SYNE2: variants seen among roughly 807,000 people sequenced by gnomAD.
SYNE2 encodes spectrin repeat containing nuclear envelope protein 2, also known as nesprin-2.
A neutral mutation model predicts 856.3 loss-of-function variants in SYNE2; 431 were observed. The observed-to-expected ratio is 0.50, with a 90% CI of 0.47 to 0.55. The LOEUF is 0.55. SYNE2 is among the 20% of genes least tolerant of loss of function. SYNE2 has a pLI of 0.00. For synonymous variants in SYNE2, 2,923 were observed against 2,872.3 expected, an observed-to-expected ratio of 1.02 and a Z score of -0.56; for missense variants, 8,129 against 8,023.2, an observed-to-expected ratio of 1.01 and a Z score of -0.50.
chr14:64,148,578 A>G (rs915241509), intron 84 of SYNE2, among the ~76,000 whole-genome samples: 6 of 152,078 alleles, frequency 3.9e-5, no homozygotes, highest in Non-Finnish European at 5.9e-5. Context: ...TCAGAACTCA[A>G]TCAAAGCACC....
At chr14:64,208,345 C>G (rs575621060) in intron 100 of SYNE2, among the ~76,000 whole-genome samples, 2 of 152,316 alleles carry the variant, frequency 1.3e-5, no homozygotes, top group African/African-American at 4.8e-5. Flanking sequence ...GCTGAAGAGA[C>G]TCAGTTTCTA....
At chr14:63,924,859 T>TTTTTTTTTTTTC (rs2095644776) in intron 2 of SYNE2, among the ~76,000 whole-genome samples, 1 of 142,486 alleles carries the variant, frequency 7.0e-6, no homozygotes, top group African/African-American at 2.6e-5. Context: ...TTTTTTTTTT[T>TTTTTTTTTTTTC]TTTTGCCTTA....
chr14:63,795,575 C>T (rs1272228425), intron 1 of SYNE2, among the ~76,000 whole-genome samples: 2 of 152,070 alleles, frequency 1.3e-5, no homozygotes, highest in Non-Finnish European at 2.9e-5. Flanking sequence ...AGAACTAATA[C>T]AGATGGGGGT....
intron 1 of SYNE2, among the ~76,000 whole-genome samples, chr14:63,778,850 G>A (rs1330042303): frequency 2.0e-5 from 3 of 151,864 alleles, no homozygotes; most frequent in African/African-American, 7.3e-5. Context: ...CTCACTATGT[G>A]GCCCAGGCTG....
At chr14:64,037,403 CCCTG>C (rs2097100127) in intron 45 of SYNE2, among the ~76,000 whole-genome samples, 1 of 151,666 alleles carries the variant, frequency 6.6e-6, no homozygotes, top group East Asian at 1.9e-4. Flanking sequence ...ATCCATTTAA[CCCTG>C]AGTGGACACA....
intron 76 of SYNE2, 144 bp from the exon 77 acceptor site, chr14:64,132,121 C>A: frequency 1.1e-6 from 1 of 899,518 alleles, no homozygotes; most frequent in South Asian, 1.6e-5. Context: ...GCCATCTTGG[C>A]CAGGCTGGTC....
At chr14:64,160,096 A>G (rs1203539717) in intron 87 of SYNE2, among the ~76,000 whole-genome samples, 1 of 152,184 alleles carries the variant, frequency 6.6e-6, no homozygotes, top group African/African-American at 2.4e-5. Flanking sequence ...TCAACTTCGA[A>G]CAAGTAATGA....
rs182304798 is a variant in SYNE2 at position 63,885,343 on chromosome 14, A to C, written c.-51-23755A>C. ...GGCCTTTCTCACTGTCTCTCTGTGAAGTTGGCGAGGCTCTATTTGGTGTCC... is the reference window on the plus strand; with the variant it reads ...GGCCTTTCTCACTGTCTCTCTGTGACGTTGGCGAGGCTCTATTTGGTGTCC... On this transcript the variant is annotated intron_variant, in intron 1 of 115. Transcript: ENST00000555002. Among the ~76,000 whole-genome samples, 613 of 151,204 alleles carry C rather than the reference A, an allele frequency of 4.1e-3. 9 individuals are homozygous for C. The highest frequency in any genetic ancestry group is 0.014 in the African/African-American group (577 of 41,166).
In SYNE2 at chr14:64,211,605, CAG is replaced by C. The variant is rs140876633; in HGVS notation, c.18724-355_18724-354del. Among the ~76,000 whole-genome samples, 103 of 152,378 alleles carry C rather than the reference CAG, an allele frequency of 6.8e-4. No homozygotes were observed. The East Asian group carries it at 0.019, about 28-fold the overall frequency. Reference sequence around the variant, plus strand: ...AGGCAGAAGGCCTGGCCTGGCCCCTCAGGGGGCTCTTCAAAGGACAGAGGAAA... The same window carrying C: ...AGGCAGAAGGCCTGGCCTGGCCCCTCGGGGCTCTTCAAAGGACAGAGGAAA... On this transcript the variant is annotated intron_variant, in intron 103 of 115. Coordinates refer to ENST00000555002, the MANE Select transcript of SYNE2 (RefSeq NM_182914.3).
intron 45 of SYNE2, among the ~76,000 whole-genome samples, chr14:64,044,542 G>A (rs2097171949): frequency 6.6e-6 from 1 of 152,122 alleles, no homozygotes; most frequent in African/African-American, 2.4e-5. Context: ...CATGAGATTT[G>A]GAGGGGCCAG....
At chr14:63,948,770 G>GGGTATA (rs2096085913) in intron 6 of SYNE2, among the ~76,000 whole-genome samples, 1 of 79,712 alleles carries the variant, frequency 1.3e-5, no homozygotes, top group African/African-American at 5.0e-5. Flanking sequence ...GTATATATAT[G>GGGTATA]TATGTGTGTG....
intron 95 of SYNE2, among the ~76,000 whole-genome samples, chr14:64,176,451 G>A (rs911634068): frequency 2.6e-5 from 4 of 152,162 alleles, no homozygotes; most frequent in Non-Finnish European, 5.9e-5. Flanking sequence ...AAAATGCTTT[G>A]TAAACAGGAA....
chr14:64,144,948 A>G (rs1351513032), intron 83 of SYNE2, among the ~76,000 whole-genome samples: 3 of 134,768 alleles, frequency 2.2e-5, no homozygotes, highest in Non-Finnish European at 1.5e-5. Flanking sequence ...TTTTTTTGAG[A>G]CAGAGTCTCG....
chr14:63,910,860 T>A (rs1210644694), intron 2 of SYNE2, among the ~76,000 whole-genome samples: 1 of 152,214 alleles, frequency 6.6e-6, no homozygotes, highest in Non-Finnish European at 1.5e-5. Context: ...ATGGCCAAAA[T>A]CTTACTCTCA....
chr14:64,022,714 T>TAG (rs1402010892), intron 37 of SYNE2, 37 bp from the exon 38 acceptor site: 3 of 1,051,430 alleles, frequency 2.9e-6, no homozygotes, highest in Non-Finnish European at 4.4e-6. Context: ...TATGAAGTCT[T>TAG]CCTTGAATGA....
intron 1 of SYNE2, among the ~76,000 whole-genome samples, chr14:63,879,990 A>G (rs932037139): frequency 1.6e-4 from 24 of 152,196 alleles, no homozygotes; most frequent in African/African-American, 5.8e-4. Context: ...GTTATGTTTT[A>G]TTTTATGAAT....
chr14:64,194,716 G>A (rs185738874), intron 99 of SYNE2, among the ~76,000 whole-genome samples: 5 of 152,272 alleles, frequency 3.3e-5, no homozygotes, highest in Admixed American at 3.3e-4. Context: ...CCTCTGTTTT[G>A]GAGGAATCTG....
At chr14:63,911,272 A>G (rs1278773159) in intron 2 of SYNE2, among the ~76,000 whole-genome samples, 1 of 151,988 alleles carries the variant, frequency 6.6e-6, no homozygotes, top group Admixed American at 6.6e-5. Context: ...TCCTTTATCC[A>G]TCCCCAGGAC....
chr14:63,773,350 C>T (rs1048402616), intron 1 of SYNE2, among the ~76,000 whole-genome samples: 6 of 151,798 alleles, frequency 4.0e-5, no homozygotes, highest in Non-Finnish European at 5.9e-5. Context: ...CGGGTGCACA[C>T]GACCATGCCC....
Sources: allele counts gnomAD v4.1 joint callset (sites outside exome capture counted in the v4.1 genomes callset), GRCh38; gene constraint gnomAD v4.1.1; transcripts MANE v1.5; gene names NCBI Gene and HGNC (gene_info 2026-07-23, HGNC 2026-07-21).